Variants in MAST4 observed in about 807,000 individuals in gnomAD.
MAST4 encodes the protein microtubule associated serine/threonine kinase family member 4.
MAST4 carries 89 observed loss-of-function variants against 162.7 expected under a neutral mutation model. That is an observed-to-expected ratio of 0.55 (90% confidence interval 0.46 to 0.65). MAST4 has a LOEUF of 0.65. Ranked by LOEUF, MAST4 falls within the 30% of genes least tolerant of loss-of-function variation. The probability of loss-of-function intolerance (pLI) is 0.00; values close to 1 mark genes in which losing one functional copy is unlikely to be tolerated. For missense variants in MAST4, 3,153 were observed against 3,374.0 expected (o/e 0.93, Z 1.62); for synonymous variants, 1,479 against 1,361.1 (o/e 1.09, Z -1.91).
chr5:67,052,233 T>C (rs1302498790), intron 4 of MAST4, among the ~76,000 whole-genome samples: 1 of 152,200 alleles, frequency 6.6e-6, no homozygotes, highest in Non-Finnish European at 1.5e-5. Context: ...ATCATCTATT[T>C]ATAAAGATTA....
intron 11 of MAST4, 118 bp from the exon 12 acceptor site, chr5:67,113,969 G>A: frequency 8.9e-7 from 1 of 1,118,772 alleles, no homozygotes; most frequent in East Asian, 2.5e-5. Flanking sequence ...CCTCCTTTCT[G>A]CATAAGTAAC....
chr5:66,959,053 A>G (rs969941793), intron 4 of MAST4: 1 of 598,460 alleles, frequency 1.7e-6, no homozygotes, highest in African/African-American at 1.8e-5. Flanking sequence ...ACTGCCGTTA[A>G]CCTGAGGAAA....
At chr5:67,058,184 A>G (rs1278690297) in intron 5 of MAST4, among the ~76,000 whole-genome samples, 1 of 152,168 alleles carries the variant, frequency 6.6e-6, no homozygotes, top group Non-Finnish European at 1.5e-5. Context: ...GCAGTGAGCT[A>G]TAATGGTGCC....
intron 3 of MAST4, among the ~76,000 whole-genome samples, chr5:66,804,307 C>A (rs1756071513): frequency 6.6e-6 from 1 of 152,140 alleles, no homozygotes; most frequent in Admixed American, 6.5e-5. Flanking sequence ...CAGTGGCATG[C>A]ATTAATAAGG....
intron 14 of MAST4, among the ~76,000 whole-genome samples, chr5:67,127,494 T>C (rs1463916712): frequency 6.6e-6 from 1 of 152,226 alleles, no homozygotes; most frequent in African/African-American, 2.4e-5. Context: ...GAGATAATCA[T>C]GTGGTTTTTG....
chr5:67,116,073 T>C (rs75879431), intron 12 of MAST4, among the ~76,000 whole-genome samples: 3,020 of 152,308 alleles, frequency 0.02, 41 homozygotes, highest in South Asian at 0.044. Context: ...ATAAACTAGC[T>C]TTCTAGAGGC....
At chr5:67,105,311 A>G (rs1203297499) in intron 10 of MAST4, among the ~76,000 whole-genome samples, 2 of 152,366 alleles carry the variant, frequency 1.3e-5, no homozygotes, top group East Asian at 3.9e-4. Context: ...TTGCAAACAT[A>G]ATTATAGATA....
Position 67,019,379 on chromosome 5 carries a change from C to T in MAST4, c.675-35025C>T, listed in dbSNP as rs537403330. 2.6e-5 allele frequency among the ~76,000 whole-genome samples: 4 copies of T among 152,326 alleles called. No homozygotes were observed. In the South Asian group the frequency reaches 6.2e-4, roughly 24 times the overall value. Reference sequence around the variant, plus strand: ...TTTCTCCAACTGTATTTGGATCTCTCTTGAAATGCTCCCTTTAAAAATACT... The same window carrying T: ...TTTCTCCAACTGTATTTGGATCTCTTTTGAAATGCTCCCTTTAAAAATACT... On this transcript the variant is annotated intron_variant, in intron 4 of 28. Transcript: ENST00000403625.
intron 5 of MAST4, among the ~76,000 whole-genome samples, chr5:67,056,152 G>C (rs1758788663): frequency 6.6e-6 from 1 of 151,884 alleles, no homozygotes; most frequent in Non-Finnish European, 1.5e-5. Flanking sequence ...CATGATAGTA[G>C]TTACCTCTGA....
At chr5:67,064,906 G>C (rs1760050632) in intron 5 of MAST4, among the ~76,000 whole-genome samples, 1 of 152,068 alleles carries the variant, frequency 6.6e-6, no homozygotes, top group Non-Finnish European at 1.5e-5. Context: ...AATCTTTTTA[G>C]TATCAAATTT....
intron 1 of MAST4, among the ~76,000 whole-genome samples, chr5:66,600,579 A>C (rs1299161293): frequency 6.6e-6 from 1 of 152,226 alleles, no homozygotes; most frequent in Non-Finnish European, 1.5e-5. Flanking sequence ...GAATGAGAAA[A>C]AATGGCATCT....
At chr5:66,891,678 A>C (rs1325071688) in intron 3 of MAST4, among the ~76,000 whole-genome samples, 1 of 151,930 alleles carries the variant, frequency 6.6e-6, no homozygotes, top group Admixed American at 6.6e-5. Context: ...ACTCCACCCT[A>C]CCTGACTACG....
At chr5:66,652,346 C>T (rs1238766795) in intron 1 of MAST4, among the ~76,000 whole-genome samples, 2 of 151,968 alleles carry the variant, frequency 1.3e-5, no homozygotes, top group African/African-American at 4.8e-5. Context: ...TGCATAGTGC[C>T]AGGAATGTAA....
intron 5 of MAST4, among the ~76,000 whole-genome samples, chr5:67,069,419 C>T (rs1186089899): frequency 6.6e-6 from 1 of 151,236 alleles, no homozygotes; most frequent in Non-Finnish European, 1.5e-5. Context: ...ATATACCTGC[C>T]TTGTGTTCTC....
chr5:67,032,239 A>G (rs1226810809), intron 4 of MAST4, among the ~76,000 whole-genome samples: 2 of 152,128 alleles, frequency 1.3e-5, no homozygotes, highest in Non-Finnish European at 2.9e-5. Context: ...TCTGCTTTCT[A>G]ATGAAGATTC....
intron 1 of MAST4, among the ~76,000 whole-genome samples, chr5:66,710,928 A>T (rs1268588216): frequency 6.6e-6 from 1 of 152,222 alleles, no homozygotes. Flanking sequence ...AATTTTCTCA[A>T]AGTGAATATG....
At chr5:66,734,668 G>A (rs865972150) in intron 1 of MAST4, among the ~76,000 whole-genome samples, 5 of 152,140 alleles carry the variant, frequency 3.3e-5, no homozygotes, top group Non-Finnish European at 5.9e-5. Flanking sequence ...GTCCAGTATG[G>A]TAGCCATTAG....
chr5:66,680,397 C>A (rs1748251123), intron 1 of MAST4, among the ~76,000 whole-genome samples: 1 of 152,186 alleles, frequency 6.6e-6, no homozygotes, highest in South Asian at 2.1e-4. Context: ...TCCCTTTGTC[C>A]TCCAGGGTAC....
At chr5:67,080,223 A>G (rs1438693422) in intron 5 of MAST4, among the ~76,000 whole-genome samples, 2 of 152,316 alleles carry the variant, frequency 1.3e-5, no homozygotes, top group South Asian at 2.1e-4. Flanking sequence ...TGTCCAGCAT[A>G]TATTAACTCT....
Sources: gnomAD v4.1 joint callset for allele counts (sites outside exome capture counted in the v4.1 genomes callset) on GRCh38, gnomAD v4.1.1 for gene constraint, MANE v1.5 for transcripts, NCBI Gene and HGNC (gene_info 2026-07-23, HGNC 2026-07-21) for gene names.